Variants in RBM44 observed in about 807,000 individuals in gnomAD.
RBM44 encodes RNA binding motif protein 44.
RBM44 carries 66 observed loss-of-function variants against 105.1 expected under a neutral mutation model. The observed-to-expected ratio is 0.63, with a 90% CI of 0.52 to 0.77. The LOEUF is 0.77. Among genes scored for constraint, RBM44 ranks in the 30% least tolerant of loss-of-function variants. The pLI is 0.00. For synonymous variants in RBM44, 365 were observed against 417.6 expected (o/e 0.87, Z 1.54); for missense variants, 1,122 against 1,207.8 (o/e 0.93, Z 1.05).
At chr2:237,830,300 T>C (rs976366784) in intron 13 of RBM44, among the ~76,000 whole-genome samples, 2 of 152,206 alleles carry the variant, frequency 1.3e-5, no homozygotes, top group Non-Finnish European at 2.9e-5. Flanking sequence ...TCCATTTTTA[T>C]TCAGTTTATT....
chr2:237,807,553 G>A (rs975759314), intron 1 of RBM44, among the ~76,000 whole-genome samples: 1 of 152,192 alleles, frequency 6.6e-6, no homozygotes, highest in African/African-American at 2.4e-5. Context: ...TAAGAAGTAA[G>A]CCTAGCATTA....
chr2:237,824,868 C>T (rs1340729970), intron 10 of RBM44, among the ~76,000 whole-genome samples: 9 of 152,072 alleles, frequency 5.9e-5, no homozygotes, highest in Admixed American at 5.2e-4. Context: ...TCCTTAATTG[C>T]TTAGAATAGT....
chr2:237,821,937 A>G, intron 8 of RBM44, 110 bp downstream of exon 8: 1 of 683,506 alleles, frequency 1.5e-6, no homozygotes, highest in Non-Finnish European at 2.6e-6. Context: ...CAACTGGCTT[A>G]CTTTGTGTAC....
In RBM44 at chr2:237,817,050, A is replaced by T; in HGVS notation, c.131A>T (p.Glu44Val). 1 of 1,591,464 alleles carries T rather than the reference A, an allele frequency of 6.3e-7. No homozygotes were observed. Among genetic ancestry groups the T allele is most frequent in the Non-Finnish European group, 8.5e-7 (1 of 1,170,936 alleles). Reference protein sequence around the residue: ...NLLLSSNGCDEVKLTFPDDDW... With the variant: ...NLLLSSNGCDVVKLTFPDDDW... ...TTATTATCCTCCAATGGTTGTGATGAAGTCAAATTGACTTTTCCTGATGAT... is the reference window on the plus strand; with the variant it reads ...TTATTATCCTCCAATGGTTGTGATGTAGTCAAATTGACTTTTCCTGATGAT... Residue 44 changes from glutamate (E) to valine (V), a missense_variant, in exon 3 of 16, where the codon GAA becomes GTA. By Grantham distance (121) the Glu-to-Val change is moderately radical (BLOSUM62 -2). Transcript: ENST00000316997.
At chr2:237,801,314 G>C (rs1407460630) in intron 1 of RBM44, among the ~76,000 whole-genome samples, 2 of 152,142 alleles carry the variant, frequency 1.3e-5, no homozygotes, top group Admixed American at 1.3e-4. Flanking sequence ...GGGCAACAGC[G>C]TGAGACCCTG....
intron 15 of RBM44, 81 bp downstream of exon 15, chr2:237,834,504 A>T (rs2061937134): frequency 3.0e-6 from 2 of 656,894 alleles, no homozygotes; most frequent in Non-Finnish European, 4.7e-6. Context: ...TTACATAAAA[A>T]ACATATTAAA....
chr2:237,809,954 A>G (rs2061639922), intron 1 of RBM44, among the ~76,000 whole-genome samples: 1 of 152,156 alleles, frequency 6.6e-6, no homozygotes, highest in Non-Finnish European at 1.5e-5. Flanking sequence ...AAATAAAAAA[A>G]CCTTTTTGAC....
chr2:237,822,052 C>A (rs933079407), intron 8 of RBM44, among the ~76,000 whole-genome samples: 1 of 151,994 alleles, frequency 6.6e-6, no homozygotes, highest in Non-Finnish European at 1.5e-5. Flanking sequence ...ATAATTTACA[C>A]CACACCAGGA....
chr2:237,812,466 A>G (rs2061669367), intron 1 of RBM44, among the ~76,000 whole-genome samples: 3 of 152,202 alleles, frequency 2.0e-5, no homozygotes, highest in Admixed American at 2.0e-4. Flanking sequence ...AAGTCCACAT[A>G]GCTTACTAAG....
chr2:237,814,178 C>G (rs1159371080), intron 2 of RBM44, among the ~76,000 whole-genome samples: 3 of 152,028 alleles, frequency 2.0e-5, no homozygotes, highest in Non-Finnish European at 2.9e-5. Flanking sequence ...AAAACAAAAA[C>G]TCTACATTGT....
At position 237,803,302 on chromosome 2, in the gene RBM44, GAC is replaced by G. The variant is rs139408669; in HGVS notation, c.-19+4457_-19+4458del. Among the ~76,000 whole-genome samples, 14 of 149,738 alleles carry G rather than the reference GAC, an allele frequency of 9.3e-5. No homozygotes were observed. Among genetic ancestry groups the G allele is most frequent in the South Asian group, 8.5e-4 (4 of 4,692 alleles). ...TCTCTGTCTCTGGGTGACAGAGCGA[GAC>G]ACACACACACACACATACTCTCTCT... On this transcript the variant is annotated intron_variant, in intron 1 of 15. Transcript: ENST00000316997. This position sits in a 1 kb window ranked among gnomAD's most constrained non-coding sequence, Gnocchi z 4.2.
intron 1 of RBM44, among the ~76,000 whole-genome samples, chr2:237,807,757 A>C (rs1268558073): frequency 6.6e-6 from 1 of 152,178 alleles, no homozygotes; most frequent in Non-Finnish European, 1.5e-5. Flanking sequence ...GCTGTGCCTT[A>C]CAATTAAAGT....
At chr2:237,814,974 C>G (rs2061700003) in intron 2 of RBM44, among the ~76,000 whole-genome samples, 1 of 150,030 alleles carries the variant, frequency 6.7e-6, no homozygotes, top group African/African-American at 2.4e-5. Flanking sequence ...ACCAAAGACA[C>G]AAAACCTAGA....
At chr2:237,822,168 A>G (rs1195775675) in intron 8 of RBM44, among the ~76,000 whole-genome samples, 4 of 152,114 alleles carry the variant, frequency 2.6e-5, no homozygotes, top group African/African-American at 7.2e-5. Context: ...ATGTGAAGCC[A>G]GTGCAATTAA....
chr2:237,810,686 T>G (rs2061650436), intron 1 of RBM44, among the ~76,000 whole-genome samples: 1 of 152,118 alleles, frequency 6.6e-6, no homozygotes, highest in Non-Finnish European at 1.5e-5. Flanking sequence ...AAGATAGGGC[T>G]TAGGGATATT....
At chr2:237,828,089 T>G (rs2061866069) in intron 12 of RBM44, among the ~76,000 whole-genome samples, 1 of 152,192 alleles carries the variant, frequency 6.6e-6, no homozygotes, top group Admixed American at 6.5e-5. Flanking sequence ...TTATATATTT[T>G]AGGTAGACAG....
chr2:237,810,072 A>T (rs2061641285), intron 1 of RBM44, among the ~76,000 whole-genome samples: 1 of 152,240 alleles, frequency 6.6e-6, no homozygotes, highest in African/African-American at 2.4e-5. Flanking sequence ...TTTATTTAAC[A>T]CAGTATATAA....
In RBM44 at chr2:237,817,089, C is replaced by T. The variant is rs747553783; in HGVS notation, c.170C>T (p.Ser57Leu). The T allele has an allele frequency of 7.5e-6, 12 of 1,605,808 alleles. No individual in the cohort carries two copies. Among genetic ancestry groups the T allele is most frequent in the Non-Finnish European group, 9.3e-6 (11 of 1,176,650 alleles). Reference protein sequence around the residue: ...LTFPDDDWNSSTLEQRANNKE... With the variant: ...LTFPDDDWNSLTLEQRANNKE... ...TTTCCTGATGATGACTGGAATTCTTCGACACTAGAGCAAAGAGCTAATAAT... is the reference window on the plus strand; with the variant it reads ...TTTCCTGATGATGACTGGAATTCTTTGACACTAGAGCAAAGAGCTAATAAT... Residue 57 changes from serine (S) to leucine (L), a missense_variant, in exon 3 of 16, where the codon TCG becomes TTG. Physicochemically the swap from Ser to Leu is moderately radical, Grantham distance 145. Transcript: ENST00000316997.
At chr2:237,826,984 A>G (rs2061853883) in intron 10 of RBM44, among the ~76,000 whole-genome samples, 1 of 152,098 alleles carries the variant, frequency 6.6e-6, no homozygotes, top group Non-Finnish European at 1.5e-5. Context: ...CTTTGTTTAG[A>G]TGTAATTTAT....
Sources: allele counts gnomAD v4.1 joint callset (sites outside exome capture counted in the v4.1 genomes callset), GRCh38; gene constraint gnomAD v4.1.1; non-coding constraint Gnocchi (gnomAD v3.1); transcripts MANE v1.5; gene names NCBI Gene and HGNC (gene_info 2026-07-23, HGNC 2026-07-21).